Variants in PIH1D2 observed in about 807,000 individuals in gnomAD.
PIH1D2 encodes PIH1 domain containing 2.
A neutral mutation model predicts 31.2 loss-of-function variants in PIH1D2; 25 were observed. That is an observed-to-expected ratio of 0.80 (90% confidence interval 0.58 to 1.12). The LOEUF is 1.12. Ranked by LOEUF, PIH1D2 falls within the 50% of genes most tolerant of loss-of-function variation. PIH1D2 has a pLI of 0.00. For synonymous variants in PIH1D2, 116 were observed against 119.9 expected (o/e 0.97, Z 0.21); for missense variants, 310 against 356.6 (o/e 0.87, Z 1.05).
the PIH1D2 span, among the ~76,000 whole-genome samples, chr11:112,056,379 A>G: frequency 6.6e-6 from 1 of 152,156 alleles, no homozygotes; most frequent in Non-Finnish European, 1.5e-5. Flanking sequence ...GCAATTTGTT[A>G]TAGTGCTTGA....
chr11:112,061,245 T>A, downstream of PIH1D2: 1 of 1,549,560 alleles, frequency 6.5e-7, no homozygotes, highest in Non-Finnish European at 8.9e-7. Flanking sequence ...TGTGGTATCC[T>A]CAGGGGATTG....
chr11:112,062,919 A>G, downstream of PIH1D2: 1 of 236,410 alleles, frequency 4.2e-6, no homozygotes, highest in South Asian at 5.7e-5. Context: ...ACTGCCTAAA[A>G]TGTTCTCCTT....
At chr11:112,072,288 T>C (rs983617259) in intron 2 of PIH1D2, among the ~76,000 whole-genome samples, 6 of 151,894 alleles carry the variant, frequency 4.0e-5, no homozygotes, top group Non-Finnish European at 7.4e-5. Context: ...CTCACGTATG[T>C]TACCCTAGTA....
At chr11:112,063,909 A>G (rs587726387), downstream of PIH1D2, 34 of 350,182 alleles carry the variant, frequency 9.7e-5, no homozygotes, top group African/African-American at 4.6e-4. Flanking sequence ...TTCCTGGTAT[A>G]TGTAATATGT....
downstream of PIH1D2, among the ~76,000 whole-genome samples, chr11:112,067,087 C>T (rs1864947651): frequency 6.6e-6 from 1 of 152,018 alleles, no homozygotes; most frequent in African/African-American, 2.4e-5. Flanking sequence ...GTTAAATAGG[C>T]TTGAATATTA....
At chr11:112,053,879 A>G in the PIH1D2 span, among the ~76,000 whole-genome samples, 1 of 152,138 alleles carries the variant, frequency 6.6e-6, no homozygotes, top group South Asian at 2.1e-4. Flanking sequence ...ACTCCCCGTT[A>G]AAGAACATTA....
downstream of PIH1D2, chr11:112,060,207 G>T: frequency 1.4e-6 from 1 of 720,152 alleles, no homozygotes; most frequent in Non-Finnish European, 2.2e-6. Flanking sequence ...TGTCACCCAG[G>T]CTGGAGTGCA....
chr11:112,070,262 A>G lies in PIH1D2; in HGVS notation c.813+174T>C, dbSNP rs187022387. ...ATCCACTGCATGGTTTGATCATTCT[A>G]TTTTCCCTTTGCTGAGATGTGAATG... On this transcript the variant is annotated intron_variant, in intron 5 of 5. Transcript: ENST00000280350. 5.0e-4 allele frequency: 358 copies of G among 715,410 alleles called. 1 individual carries two copies. Among genetic ancestry groups the G allele is most frequent in the Middle Eastern group, 1.6e-3 (4 of 2,508 alleles). 44.3% of individuals were successfully genotyped at this position (715,410 alleles called of 1,614,324 possible). A position where few individuals can be genotyped will look rare whatever the true frequency, so the allele number is the denominator to read the frequency against.
At chr11:112,066,153 G>C (rs1864918767), downstream of PIH1D2, among the ~76,000 whole-genome samples, 1 of 152,114 alleles carries the variant, frequency 6.6e-6, no homozygotes, top group Non-Finnish European at 1.5e-5. Context: ...AAGGAAACTT[G>C]TATCTAGAAA....
At chr11:112,063,619 G>C (rs1171052389), downstream of PIH1D2, 1 of 152,234 alleles carries the variant, frequency 6.6e-6, no homozygotes, top group Non-Finnish European at 1.5e-5. Context: ...GTAAAAAAGT[G>C]TTCTGTGTCC....
At chr11:112,070,812 A>C in intron 4 of PIH1D2, 111 bp from the exon 5 acceptor site, 1 of 1,312,806 alleles carries the variant, frequency 7.6e-7, no homozygotes, top group East Asian at 2.5e-5. Context: ...GCTGCAGTTA[A>C]ATTAGTTTGG....
In PIH1D2 at chr11:112,073,038, G is replaced by C. The variant is rs782202437; in HGVS notation, c.137C>G (p.Ala46Gly). Reference sequence around the variant, plus strand: ...TAGACAAAGCTGTGGTTCTGGGGCAGCACAGAGCTGTTTCCCTTCTTTCAG... The same window carrying C: ...TAGACAAAGCTGTGGTTCTGGGGCACCACAGAGCTGTTTCCCTTCTTTCAG... ...QQLKEGKQLCAAPEPQLCLQT... is the reference protein window; with the variant it reads ...QQLKEGKQLCGAPEPQLCLQT... Residue 46 changes from alanine to glycine, a missense_variant, in exon 2 of 6, where the codon GCT becomes GGT. Ala to Gly is a moderately conservative substitution (Grantham distance 60, BLOSUM62 0). Transcript: ENST00000280350. The C allele has an allele frequency of 9.3e-6, 15 of 1,613,990 alleles. No homozygotes were observed. The highest frequency in any genetic ancestry group is 3.3e-5 in the Admixed American group (2 of 60,002).
Position 112,071,106 on chromosome 11 carries a change from T to C in PIH1D2, c.479A>G (p.Gln160Arg). ...TCCCATCAGATTTTGTTTCATTCTT[T>C]GAATGCTTCCTTTTATTCTAAATTT... ...ITKFRIKGSI[Q>R]RMKQNLMGIQ... The change falls in exon 4 of 6, where the codon CAA (glutamine) becomes CGA (arginine). Residue 160 changes from glutamine to arginine, a missense_variant. By Grantham distance (43) the Gln-to-Arg change is conservative (BLOSUM62 1). Coordinates refer to ENST00000280350, the MANE Select transcript of PIH1D2 (RefSeq NM_138789.4). 6.2e-7 allele frequency: 1 copy of C among 1,613,838 alleles called. No individual in the cohort carries two copies. The highest frequency in any genetic ancestry group is 8.5e-7 in the Non-Finnish European group (1 of 1,179,818).
At chr11:112,052,952 T>A in the PIH1D2 span, among the ~76,000 whole-genome samples, 1 of 152,178 alleles carries the variant, frequency 6.6e-6, no homozygotes, top group East Asian at 1.9e-4. Context: ...CTCAGGAAAT[T>A]CCGGTTCTAG....
rs1865080600 is a variant in PIH1D2 at position 112,070,695 on chromosome 11, G to C, written c.554C>G (p.Thr185Ser). Reference sequence around the variant, plus strand: ...AGTACTGCTTCGTATCTGTCCAAGAGTTAGTTCTTTATGAAAAAAAGGGTG... The same window carrying C: ...AGTACTGCTTCGTATCTGTCCAAGACTTAGTTCTTTATGAAAAAAAGGGTG... Reference protein sequence around the residue: ...DLREKMRRELTLGQIRSSTMS... With the variant: ...DLREKMRRELSLGQIRSSTMS... Residue 185 changes from threonine to serine, a missense_variant, in exon 5 of 6, where the codon ACT (threonine) becomes AGT (serine). Physicochemically the swap from Thr to Ser is moderately conservative, Grantham distance 58 (BLOSUM62 1). Transcript: ENST00000280350. 1 of 1,610,424 alleles carries C rather than the reference G, an allele frequency of 6.2e-7. No individual in the cohort carries two copies. Among genetic ancestry groups the C allele is most frequent in the African/African-American group, 1.3e-5 (1 of 74,718 alleles).
At position 112,070,712 on chromosome 11, in the gene PIH1D2, A is replaced by C. The variant is rs1555184474; in HGVS notation, c.548-11T>G. The C allele has an allele frequency of 6.2e-7, 1 of 1,608,812 alleles. No homozygotes were observed. The highest frequency in any genetic ancestry group is 8.5e-7 in the Non-Finnish European group (1 of 1,176,560). ...GTCCAAGAGTTAGTTCTTTATGAAAAAAAGGGTGGAGGGGAGATAAAAAAT... is the reference window on the plus strand; with the variant it reads ...GTCCAAGAGTTAGTTCTTTATGAAACAAAGGGTGGAGGGGAGATAAAAAAT... On this transcript the variant is annotated splice_polypyrimidine_tract_variant and intron_variant, in intron 4 of 5. Transcript: ENST00000280350.
chr11:112,060,158 A>ATTTTTTTTTTTTTTTTTTTTTTTT (rs782188808), downstream of PIH1D2: 1 of 496,038 alleles, frequency 2.0e-6, no homozygotes, highest in African/African-American at 2.6e-5. Context: ...CTGTCACGTA[A>ATTTTTTTTTTTTTTTTTTTTTTTT]TTTTTTTTTT....
chr11:112,068,153 C>A, intron 5 of PIH1D2, 148 bp from the exon 6 acceptor site: 1 of 595,288 alleles, frequency 1.7e-6, no homozygotes, highest in Non-Finnish European at 2.9e-6. Flanking sequence ...TTGTAAATCC[C>A]TTAGATTTTA....
At chr11:112,066,034 A>G (rs1298369458), downstream of PIH1D2, among the ~76,000 whole-genome samples, 1 of 152,158 alleles carries the variant, frequency 6.6e-6, no homozygotes, top group African/African-American at 2.4e-5. Context: ...AATGTCATGT[A>G]TCAGTTATTT....
Sources: gnomAD v4.1 joint callset for allele counts (sites outside exome capture counted in the v4.1 genomes callset) on GRCh38, gnomAD v4.1.1 for gene constraint, MANE v1.5 for transcripts, NCBI Gene and HGNC (gene_info 2026-07-23, HGNC 2026-07-21) for gene names.